RYR2: variants seen among roughly 807,000 people sequenced by gnomAD.
RYR2 encodes the protein cardiac muscle ryanodine receptor-calcium release channel.
Under a neutral mutation model 601.1 loss-of-function variants are expected in RYR2, and 227 were observed. That is an observed-to-expected ratio of 0.38 (90% CI 0.34 to 0.42). The LOEUF (loss-of-function observed/expected upper bound fraction) is 0.42, where lower values mean the gene tolerates loss of function less well. Among genes scored for constraint, RYR2 ranks in the 10% least tolerant of loss-of-function variants. The pLI is 1.00. For synonymous variants in RYR2, 2,223 were observed against 2,175.1 expected (o/e 1.02, Z -0.61); for missense variants, 4,646 against 6,156.5 (o/e 0.75, Z 8.21).
intron 1 of RYR2, among the ~76,000 whole-genome samples, chr1:237,160,925 C>T (rs1675942249): frequency 6.6e-6 from 1 of 152,208 alleles, no homozygotes; most frequent in East Asian, 1.9e-4. Flanking sequence ...GGCTTATTCA[C>T]ATTCCTGGAT....
rs1323108403 is a variant in RYR2, at chr1:237,649,859, T to C, written c.7513-18T>C. 2 of 1,609,718 alleles carry C rather than the reference T, an allele frequency of 1.2e-6. No individual in the cohort carries two copies. The highest frequency in any genetic ancestry group is 2.2e-5 in the East Asian group (1 of 44,820). ...CTGCCAAACACAAATGGCCTTCTACTCTCTGATTCTTTTTCAGGCAGCTTT... is the reference window on the plus strand; with the variant it reads ...CTGCCAAACACAAATGGCCTTCTACCCTCTGATTCTTTTTCAGGCAGCTTT... On this transcript the variant is annotated intron_variant, in intron 49 of 104. Transcript: ENST00000366574.
At chr1:237,499,244 A>G (rs1191308047) in intron 20 of RYR2, among the ~76,000 whole-genome samples, 5 of 152,138 alleles carry the variant, frequency 3.3e-5, no homozygotes, top group Non-Finnish European at 5.9e-5. Context: ...CTTCTCTTCA[A>G]TTTAAACTTT....
chr1:237,441,854 C>T (rs908552290), intron 13 of RYR2, among the ~76,000 whole-genome samples: 1 of 151,156 alleles, frequency 6.6e-6, no homozygotes, highest in African/African-American at 2.5e-5. Flanking sequence ...AGCCAACAAG[C>T]CAGAAATTAA....
rs751897207 is a variant in RYR2, at chr1:237,784,183, A to G, written c.12471A>G (p.Arg4157=). The G allele has an allele frequency of 5.6e-6, 9 of 1,613,898 alleles. No individual in the cohort carries two copies. Among genetic ancestry groups the G allele is most frequent in the South Asian group, 4.4e-5 (4 of 91,086 alleles). ...ATTTTGAAATCAGTGAGTCCAGCCG[A>G]ACCCAGTGGGAGAAGCCCCAGGTCA... The part of the protein sequence containing the change: ...RVYFEISESS[R]TQWEKPQVKE... The change falls in exon 90 of 105, where the codon CGA becomes CGG. Residue 4157 remains arginine (R), a synonymous_variant. Coordinates refer to ENST00000366574, the MANE Select transcript of RYR2 (RefSeq NM_001035.3). This position sits in a 1 kb window ranked among gnomAD's most constrained non-coding sequence, Gnocchi z 7.1.
At chr1:237,728,554 C>T (rs774321015) in intron 76 of RYR2, among the ~76,000 whole-genome samples, 1 of 151,950 alleles carries the variant, frequency 6.6e-6, no homozygotes, top group Admixed American at 6.6e-5. Context: ...CAATGATAGA[C>T]TGGATAAAGA....
chr1:237,353,266 T>C (rs1019620386), intron 3 of RYR2, among the ~76,000 whole-genome samples: 32 of 152,002 alleles, frequency 2.1e-4, no homozygotes, highest in African/African-American at 7.5e-4. Context: ...AATTAAAATA[T>C]GAATGCACGA....
intron 79 of RYR2, among the ~76,000 whole-genome samples, chr1:237,735,675 T>C (rs1330503618): frequency 6.6e-6 from 1 of 152,170 alleles, no homozygotes; most frequent in Non-Finnish European, 1.5e-5. Context: ...CCAAGAATGC[T>C]CAAATCCCTG....
chr1:237,287,766 C>T (rs1042219387), intron 2 of RYR2, among the ~76,000 whole-genome samples: 1 of 152,132 alleles, frequency 6.6e-6, no homozygotes, highest in African/African-American at 2.4e-5. Context: ...TCTCTGGTCC[C>T]TCCTTGATTA....
At position 237,705,193 on chromosome 1, in the gene RYR2, T is replaced by C. The variant is rs1688269467; in HGVS notation, c.9450-20T>C. The stretch of plus-strand genomic sequence containing the variant: ...TACTCACTTGGAAGACCTTAAAACA[T>C]AAGCATTTTCCACTTATAGGCAACG... On this transcript the variant is annotated intron_variant, in intron 66 of 104. Transcript: ENST00000366574. 1.2e-6 allele frequency: 2 copies of C among 1,601,378 alleles called. No individual in the cohort carries two copies.
intron 29 of RYR2, among the ~76,000 whole-genome samples, chr1:237,573,838 C>T (rs1645604299): frequency 6.6e-6 from 1 of 151,666 alleles, no homozygotes; most frequent in South Asian, 2.1e-4. Context: ...TAAAAAGATG[C>T]TGTTAGGTCT....
At position 237,636,956 on chromosome 1, in the gene RYR2, T is replaced by C. The variant is rs977561148; in HGVS notation, c.6793-1401T>C. 3.3e-5 allele frequency among the ~76,000 whole-genome samples: 5 copies of C among 152,136 alleles called. No individual in the cohort carries two copies. In the South Asian group the frequency reaches 8.3e-4, roughly 25 times the overall value. On this transcript the variant is annotated intron_variant, in intron 44 of 104. Coordinates refer to ENST00000366574, the MANE Select transcript of RYR2 (RefSeq NM_001035.3). ...GCACAGAAAGATATATGCTGCATGG[T>C]TATGTGTACAAGTGTCCTAGAAAAT...
intron 1 of RYR2, among the ~76,000 whole-genome samples, chr1:237,235,641 C>CTGAT (rs1192831834): frequency 1.3e-5 from 2 of 152,152 alleles, no homozygotes; most frequent in Non-Finnish European, 2.9e-5. Flanking sequence ...AATTGCAATA[C>CTGAT]TGATTGACAC....
Position 237,241,952 on chromosome 1 carries a change from C to T in RYR2, c.49-28545C>T, listed in dbSNP as rs540554119. Reference sequence around the variant, plus strand: ...CATCTGGCTTTGGCTGGCTTCCTTACCACATCCTATTGTATTAGCAGGGTC... The same window carrying T: ...CATCTGGCTTTGGCTGGCTTCCTTATCACATCCTATTGTATTAGCAGGGTC... On this transcript the variant is annotated intron_variant, in intron 1 of 104. Coordinates refer to ENST00000366574, the MANE Select transcript of RYR2 (RefSeq NM_001035.3). Among the ~76,000 whole-genome samples, 13 of 152,276 alleles carry T rather than the reference C, an allele frequency of 8.5e-5. No individual in the cohort carries two copies. In the South Asian group the frequency reaches 2.3e-3, roughly 27 times the overall value.
chr1:237,518,495 G>T (rs1373644834), intron 24 of RYR2, among the ~76,000 whole-genome samples: 1 of 152,070 alleles, frequency 6.6e-6, no homozygotes, highest in Admixed American at 6.5e-5. Flanking sequence ...ACCCACTTGT[G>T]AATGAGAACA....
At chr1:237,469,818 A>G (rs1558872220) in intron 17 of RYR2, among the ~76,000 whole-genome samples, 1 of 152,228 alleles carries the variant, frequency 6.6e-6, no homozygotes, top group Non-Finnish European at 1.5e-5. Context: ...TGGTCTGTAT[A>G]ATAGTAAAAT....
At chr1:237,790,110 C>T (rs528599935) in intron 92 of RYR2, among the ~76,000 whole-genome samples, 22 of 152,302 alleles carry the variant, frequency 1.4e-4, no homozygotes, top group African/African-American at 5.3e-4. Context: ...ATATTGACAT[C>T]TCCCACTTAA....
chr1:237,301,961 T>G (rs759990696), intron 2 of RYR2, among the ~76,000 whole-genome samples: 2 of 152,178 alleles, frequency 1.3e-5, no homozygotes, highest in Non-Finnish European at 2.9e-5. Flanking sequence ...AAATCTCAGG[T>G]GCAGTATAAT....
At chr1:237,550,460 T>G (rs1670274434) in intron 26 of RYR2, 84 bp from the exon 27 acceptor site, 2 of 1,487,918 alleles carry the variant, frequency 1.3e-6, no homozygotes, top group Non-Finnish European at 1.8e-6. Flanking sequence ...CTCATGGAAT[T>G]TAAAGTTTGA....
At chr1:237,187,454 T>TTTTTC (rs1255788257) in intron 1 of RYR2, among the ~76,000 whole-genome samples, 2 of 141,674 alleles carry the variant, frequency 1.4e-5, no homozygotes, top group Non-Finnish European at 3.1e-5. Flanking sequence ...TTTTTTTTTT[T>TTTTTC]TTTTTTTTGA....
Sources: gnomAD v4.1 joint callset for allele counts (sites outside exome capture counted in the v4.1 genomes callset) on GRCh38, gnomAD v4.1.1 for gene constraint, Gnocchi (gnomAD v3.1) non-coding constraint, MANE v1.5 for transcripts, NCBI Gene and HGNC (gene_info 2026-07-23, HGNC 2026-07-21) for gene names.